PPM1L: variants seen among roughly 807,000 people sequenced by gnomAD.
PPM1L encodes the protein protein phosphatase, Mg2+/Mn2+ dependent 1L.
Under a neutral mutation model 31.4 loss-of-function variants are expected in PPM1L, and 13 were observed. The observed-to-expected ratio is 0.41, with a 90% confidence interval of 0.27 to 0.66. The LOEUF (loss-of-function observed/expected upper bound fraction) is 0.66. PPM1L is among the 30% of genes least tolerant of loss of function. The pLI is 0.29. For synonymous variants in PPM1L, 184 were observed against 175.4 expected (o/e 1.05, Z -0.39); for missense variants, 326 against 453.7 (o/e 0.72, Z 2.56).
intron 1 of PPM1L, among the ~76,000 whole-genome samples, chr3:160,778,619 C>A (rs1171831980): frequency 1.3e-5 from 2 of 152,188 alleles, no homozygotes; most frequent in Non-Finnish European, 1.5e-5. Context: ...ATTATTAGAA[C>A]TGAGAGACCT....
At chr3:161,020,056 G>A (rs769095651) in intron 2 of PPM1L, among the ~76,000 whole-genome samples, 3 of 151,522 alleles carry the variant, frequency 2.0e-5, no homozygotes, top group Non-Finnish European at 2.9e-5. Context: ...AACCCAGGAG[G>A]TGGAGGTTGC....
At chr3:160,880,109 A>G (rs1317407033) in intron 1 of PPM1L, among the ~76,000 whole-genome samples, 2 of 152,152 alleles carry the variant, frequency 1.3e-5, no homozygotes, top group Non-Finnish European at 2.9e-5. Flanking sequence ...TAATTAGGTA[A>G]TTCTCTACAG....
intron 2 of PPM1L, among the ~76,000 whole-genome samples, chr3:161,063,861 C>T (rs1719647585): frequency 2.6e-5 from 4 of 152,154 alleles, no homozygotes. Flanking sequence ...GAATTCATGT[C>T]CTTTGCAGGG....
At chr3:160,791,418 G>A (rs1297336299) in intron 1 of PPM1L, among the ~76,000 whole-genome samples, 2 of 152,150 alleles carry the variant, frequency 1.3e-5, no homozygotes, top group African/African-American at 2.4e-5. Flanking sequence ...AACTGGAGCA[G>A]CATAACTAGG....
At position 160,756,545 on chromosome 3, in the gene PPM1L, G is replaced by C. The variant is rs771409811; in HGVS notation, c.237G>C (p.Glu79Asp). ...GACTCGGGGGGCTTGATGTGCTCGA[G>C]GCCGAGTTTTCCAAGACCTGGGAGT... ...NDRLGGLDVL[E>D]AEFSKTWEFK... Residue 79 changes from glutamate to aspartate, a missense_variant, in exon 1 of 4, where the codon GAG (glutamate) becomes GAC (aspartate). Transcript: ENST00000498165. This position sits in a 1 kb window ranked among gnomAD's most constrained non-coding sequence, Gnocchi z 6.2. The C allele has an allele frequency of 1.4e-5, 23 of 1,614,150 alleles. No individual in the cohort carries two copies. Among genetic ancestry groups the C allele is most frequent in the Middle Eastern group, 3.3e-4 (2 of 6,062 alleles).
chr3:160,925,109 T>A (rs1268250274), intron 1 of PPM1L, among the ~76,000 whole-genome samples: 3 of 152,200 alleles, frequency 2.0e-5, no homozygotes, highest in Non-Finnish European at 4.4e-5. Flanking sequence ...ACCTAATCAT[T>A]GAAATCAGCT....
intron 1 of PPM1L, among the ~76,000 whole-genome samples, chr3:160,820,534 A>G (rs1560116405): frequency 6.6e-6 from 1 of 152,042 alleles, no homozygotes; most frequent in Non-Finnish European, 1.5e-5. Context: ...CTGTTTAAAT[A>G]TGCTGCTTCT....
intron 1 of PPM1L, among the ~76,000 whole-genome samples, chr3:160,804,115 G>A (rs1332204474): frequency 6.7e-6 from 1 of 150,256 alleles, no homozygotes; most frequent in Admixed American, 6.6e-5. Context: ...TCTATTTTTA[G>A]TAGAGACGGG....
chr3:160,961,504 C>A (rs1351993048), intron 1 of PPM1L, among the ~76,000 whole-genome samples: 3 of 152,156 alleles, frequency 2.0e-5, no homozygotes, highest in African/African-American at 2.4e-5. Context: ...CCAAGTCTAT[C>A]ATCTTTTATA....
chr3:160,903,194 G>GTGTGTGTGTGTGTGTGTGT (rs1553819647), intron 1 of PPM1L, among the ~76,000 whole-genome samples: 1,890 of 95,390 alleles, frequency 0.02, 59 homozygotes, highest in Admixed American at 0.065. Flanking sequence ...TGTGTGTGTG[G>GTGTGTGTGTGTGTGTGTGT]TATGTGTGTA....
chr3:161,063,200 T>C (rs559397376), intron 2 of PPM1L, among the ~76,000 whole-genome samples: 1 of 152,268 alleles, frequency 6.6e-6, no homozygotes, highest in Admixed American at 6.5e-5. Context: ...ATACCAAAAT[T>C]TCAGTTTCCA....
At chr3:161,002,394 A>G (rs1414885720) in intron 2 of PPM1L, among the ~76,000 whole-genome samples, 1 of 152,162 alleles carries the variant, frequency 6.6e-6, no homozygotes. Flanking sequence ...CTAGATCTAG[A>G]TCCCTGAGGA....
Position 161,069,481 on chromosome 3 carries a change from G to A in PPM1L, c.*324G>A, listed in dbSNP as rs1719845072. ...TAGTCTCCCTGAAGATTCTTTTCAA[G>A]ATCCTGTTCAGGGTCCTCCAGGCAT... On this transcript the variant is annotated 3_prime_UTR_variant, in exon 4 of 4. Coordinates refer to ENST00000498165, the MANE Select transcript of PPM1L (RefSeq NM_139245.4). 3.4e-6 allele frequency: 1 copy of A among 291,138 alleles called. No individual in the cohort carries two copies. The allele number at this position is 291,138 out of a possible 1,614,324, so 18.0% of individuals were successfully genotyped here.
intron 1 of PPM1L, among the ~76,000 whole-genome samples, chr3:160,946,691 G>C (rs1258191751): frequency 1.3e-5 from 2 of 152,102 alleles, no homozygotes; most frequent in African/African-American, 4.8e-5. Context: ...AACAAGGTGG[G>C]ATTTGGAGTG....
intron 1 of PPM1L, among the ~76,000 whole-genome samples, chr3:160,859,367 C>T (rs896343518): frequency 9.9e-5 from 15 of 152,182 alleles, no homozygotes; most frequent in African/African-American, 3.1e-4. Flanking sequence ...CCAGTTTCTA[C>T]ATTGCATGAT....
intron 1 of PPM1L, among the ~76,000 whole-genome samples, chr3:160,858,904 C>G (rs985029580): frequency 6.6e-6 from 1 of 152,100 alleles, no homozygotes; most frequent in Non-Finnish European, 1.5e-5. Flanking sequence ...TTCCTACTTT[C>G]AAGTACTGGG....
At chr3:160,833,821 T>G (rs2108099248) in intron 1 of PPM1L, among the ~76,000 whole-genome samples, 1 of 152,196 alleles carries the variant, frequency 6.6e-6, no homozygotes, top group Admixed American at 6.5e-5. Context: ...CAATTGCTTT[T>G]GGTGATTTTG....
chr3:160,772,363 G>A (rs1218443448), intron 1 of PPM1L, among the ~76,000 whole-genome samples: 4 of 152,202 alleles, frequency 2.6e-5, no homozygotes, highest in Non-Finnish European at 5.9e-5. Flanking sequence ...GAAAAAGACA[G>A]CTAGTTTTTA....
chr3:160,784,156 T>G lies in PPM1L; in HGVS notation c.399+27449T>G, dbSNP rs182012739. 2.0e-5 allele frequency among the ~76,000 whole-genome samples: 3 copies of G among 152,268 alleles called. No homozygotes were observed. In the East Asian group the frequency reaches 5.8e-4, roughly 29 times the overall value. ...TGTACTTCATAATGCTATACTTGCT[T>G]TTAAAAAAAGCGTACCTATCTATAT... On this transcript the variant is annotated intron_variant, in intron 1 of 3. Coordinates refer to ENST00000498165, the MANE Select transcript of PPM1L (RefSeq NM_139245.4).
Sources: allele counts gnomAD v4.1 joint callset (sites outside exome capture counted in the v4.1 genomes callset), GRCh38; gene constraint gnomAD v4.1.1; non-coding constraint Gnocchi (gnomAD v3.1); transcripts MANE v1.5; gene names NCBI Gene and HGNC (gene_info 2026-07-23, HGNC 2026-07-21).